FILIP1: variants seen among roughly 807,000 people sequenced by gnomAD.
FILIP1 encodes the protein filamin A interacting protein 1.
Under a neutral mutation model 102.1 loss-of-function variants are expected in FILIP1, and 61 were observed. That is an observed-to-expected ratio of 0.60 (90% CI 0.49 to 0.74). The LOEUF is 0.74. Among genes scored for constraint, FILIP1 ranks in the 30% least tolerant of loss-of-function variants. The pLI is 0.00. For synonymous variants in FILIP1, 491 were observed against 526.9 expected (o/e 0.93, Z 0.93); for missense variants, 1,314 against 1,441.2 (o/e 0.91, Z 1.43).
At chr6:75,394,722 C>T (rs1213662544) in intron 2 of FILIP1, among the ~76,000 whole-genome samples, 1 of 152,100 alleles carries the variant, frequency 6.6e-6, no homozygotes, top group Admixed American at 6.6e-5. Flanking sequence ...ATTAAAACTA[C>T]TGGAAAATAC....
At chr6:75,341,040 C>T (rs890190070) in intron 4 of FILIP1, among the ~76,000 whole-genome samples, 2 of 151,652 alleles carry the variant, frequency 1.3e-5, no homozygotes, top group African/African-American at 2.4e-5. Context: ...CTTTAGAATC[C>T]CTTAATTTAG....
At chr6:75,379,725 C>T (rs1775847996) in intron 2 of FILIP1, among the ~76,000 whole-genome samples, 1 of 152,208 alleles carries the variant, frequency 6.6e-6, no homozygotes, top group African/African-American at 2.4e-5. Flanking sequence ...CCTAAGGCCT[C>T]TGCCCCTTTG....
chr6:75,460,717 CATT>C (rs1404051142), intron 1 of FILIP1, among the ~76,000 whole-genome samples: 1 of 152,140 alleles, frequency 6.6e-6, no homozygotes, highest in African/African-American at 2.4e-5. Flanking sequence ...CCTTAGTCCT[CATT>C]ATAGGTTTTT....
intron 1 of FILIP1, among the ~76,000 whole-genome samples, chr6:75,430,147 G>T (rs553812603): frequency 6.6e-6 from 1 of 152,072 alleles, no homozygotes; most frequent in Non-Finnish European, 1.5e-5. Context: ...GTTTTATAAG[G>T]GGCTCTTCCC....
chr6:75,470,979 G>A (rs1779308732), intron 1 of FILIP1, among the ~76,000 whole-genome samples: 1 of 151,824 alleles, frequency 6.6e-6, no homozygotes, highest in Non-Finnish European at 1.5e-5. Flanking sequence ...TAGGCCACAT[G>A]GCAAAACCCA....
intron 1 of FILIP1, among the ~76,000 whole-genome samples, chr6:75,491,481 A>G (rs561465984): frequency 6.6e-6 from 1 of 152,288 alleles, no homozygotes; most frequent in Admixed American, 6.5e-5. Context: ...AGTAAAACCA[A>G]TCTCGTGGTC....
At chr6:75,341,146 GT>G (rs1470302227) in intron 4 of FILIP1, among the ~76,000 whole-genome samples, 4 of 122,848 alleles carry the variant, frequency 3.3e-5, no homozygotes, top group Non-Finnish European at 6.7e-5. Context: ...AGACTTGAGG[GT>G]TTTTGTTTTG....
At chr6:75,323,118 GC>G (rs1222933098) in intron 4 of FILIP1, among the ~76,000 whole-genome samples, 1 of 151,692 alleles carries the variant, frequency 6.6e-6, no homozygotes, top group African/African-American at 2.4e-5. Flanking sequence ...TTTATTTTTT[GC>G]CATTTAGAAA....
At position 75,412,752 on chromosome 6, in the gene FILIP1, T is replaced by C. The variant is rs754120109; in HGVS notation, c.276+1945A>G. Among the ~76,000 whole-genome samples the C allele has an allele frequency of 6.4e-4, 98 of 152,202 alleles. 1 individual carries two copies. The highest frequency in any genetic ancestry group is 1.4e-3 in the African/African-American group (60 of 41,468). ...ATCTGCATTTACAAGGACATATGTT[T>C]ATATATATGGACTTGTATATGTGTG... On this transcript the variant is annotated intron_variant, in intron 2 of 5. Coordinates refer to ENST00000237172, the MANE Select transcript of FILIP1 (RefSeq NM_015687.5).
chr6:75,398,439 A>G (rs1023187262), intron 2 of FILIP1, among the ~76,000 whole-genome samples: 1 of 152,126 alleles, frequency 6.6e-6, no homozygotes, highest in African/African-American at 2.4e-5. Flanking sequence ...GGAGCTTCAG[A>G]ACAAACCCTC....
chr6:75,324,345 C>CAAA (rs35302698), intron 4 of FILIP1, among the ~76,000 whole-genome samples: 19 of 105,356 alleles, frequency 1.8e-4, no homozygotes, highest in African/African-American at 5.3e-4. Context: ...TATACCTAAC[C>CAAA]AAAAAAAAAA....
chr6:75,312,764 A>C lies in FILIP1; in HGVS notation c.3068T>G (p.Val1023Gly). ...STSAAPAEIA[V>G]SPESQEMPMG... ...GGGCATTTCCTGGGATTCGGGAGAA[A>C]CTGCAATCTCAGCTGGTGCTGCTGA... Residue 1023 changes from valine (V) to glycine (G), a missense_variant, in exon 5 of 6, where the codon GTT becomes GGT. Physicochemically the swap from Val to Gly is moderately radical, Grantham distance 109 (BLOSUM62 -3). Transcript: ENST00000237172. The C allele has an allele frequency of 6.2e-7, 1 of 1,614,138 alleles. No individual in the cohort carries two copies. The highest frequency in any genetic ancestry group is 8.5e-7 in the Non-Finnish European group (1 of 1,180,036).
At chr6:75,473,654 T>A (rs559073607) in intron 1 of FILIP1, 10 of 152,322 alleles carry the variant, frequency 6.6e-5, no homozygotes, top group East Asian at 1.9e-4. Flanking sequence ...AACTAAGAAA[T>A]GTTTTATTTA....
chr6:75,386,531 C>T (rs1487299664), intron 2 of FILIP1, among the ~76,000 whole-genome samples: 4 of 152,138 alleles, frequency 2.6e-5, no homozygotes, highest in Non-Finnish European at 4.4e-5. Flanking sequence ...TCAGTTCCAG[C>T]TGAAGTCTTA....
At chr6:75,383,520 T>A (rs1039589936) in intron 2 of FILIP1, among the ~76,000 whole-genome samples, 1 of 152,118 alleles carries the variant, frequency 6.6e-6, no homozygotes, top group African/African-American at 2.4e-5. Flanking sequence ...ATTAGAGAAG[T>A]GGTTAAACAA....
intron 4 of FILIP1, among the ~76,000 whole-genome samples, chr6:75,322,272 T>C (rs529661689): frequency 2.0e-5 from 3 of 152,294 alleles, no homozygotes; most frequent in African/African-American, 7.2e-5. Flanking sequence ...AAACAATTAA[T>C]TTGCTCTACA....
At chr6:75,382,569 A>C (rs1371636271) in intron 2 of FILIP1, among the ~76,000 whole-genome samples, 2 of 152,174 alleles carry the variant, frequency 1.3e-5, no homozygotes, top group Non-Finnish European at 2.9e-5. Flanking sequence ...TTAAACTGTT[A>C]AAGAGACAGG....
At chr6:75,433,028 T>C (rs918000864) in intron 1 of FILIP1, among the ~76,000 whole-genome samples, 1 of 152,228 alleles carries the variant, frequency 6.6e-6, no homozygotes, top group Non-Finnish European at 1.5e-5. Context: ...TATGGCTGCA[T>C]AGTATTCCAT....
chr6:75,381,170 G>A (rs1467739679), intron 2 of FILIP1, among the ~76,000 whole-genome samples: 2 of 152,048 alleles, frequency 1.3e-5, no homozygotes, highest in Non-Finnish European at 2.9e-5. Flanking sequence ...CAGTAGTGAT[G>A]ACACTGAGAA....
Sources: gnomAD v4.1 joint callset for allele counts (sites outside exome capture counted in the v4.1 genomes callset) on GRCh38, gnomAD v4.1.1 for gene constraint, MANE v1.5 for transcripts, NCBI Gene and HGNC (gene_info 2026-07-23, HGNC 2026-07-21) for gene names.